Variants in RPS15A observed in about 807,000 individuals in gnomAD.
RPS15A encodes ribosomal protein S15a.
For synonymous variants in RPS15A, 55 were observed against 58.5 expected (o/e 0.94, Z 0.27); for missense variants, 62 against 163.4 (o/e 0.38, Z 3.38).
chr16:18,788,263 TGGG>T, intron 2 of RPS15A, 121 bp from the exon 3 acceptor site: 1 of 679,506 alleles, frequency 1.5e-6, no homozygotes. Context: ...TCCAAAAAGT[TGGG>T]GGGAAGACAG....
intron 3 of RPS15A, among the ~76,000 whole-genome samples, chr16:18,787,159 A>C (rs1466735220): frequency 6.6e-6 from 1 of 152,206 alleles, no homozygotes; most frequent in Non-Finnish European, 1.5e-5. Flanking sequence ...CACTGTGCCC[A>C]GCTAGTTCTT....
chr16:18,781,389 A>G lies in RPS15A; in HGVS notation c.*1620T>C, dbSNP rs1357331779. The G allele has an allele frequency of 6.6e-6, 1 of 151,680 alleles. No individual in the cohort carries two copies. The allele number at this position is 151,680 out of a possible 1,614,324, so 9.4% of individuals were successfully genotyped here. A position where few individuals can be genotyped will look rare whatever the true frequency, so the allele number is the denominator to read the frequency against. ...ATGTAAGCGACTGAGGCATCCCTACACACCAGGTTTGCAGGCTAGGGACCA... is the reference window on the plus strand; with the variant it reads ...ATGTAAGCGACTGAGGCATCCCTACGCACCAGGTTTGCAGGCTAGGGACCA... On this transcript the variant is annotated 3_prime_UTR_variant, in exon 5 of 5. Coordinates refer to ENST00000322989, the MANE Select transcript of RPS15A (RefSeq NM_001019.5).
chr16:18,786,245 A>T (rs1206181705), intron 3 of RPS15A: 1 of 233,578 alleles, frequency 4.3e-6, no homozygotes, highest in African/African-American at 2.4e-5. Flanking sequence ...CTCACCTGTA[A>T]TCTCAGCTAC....
At position 18,782,935 on chromosome 16, in the gene RPS15A, A is replaced by G; in HGVS notation, c.*74T>C. Reference sequence around the variant, plus strand: ...GCAGAAGCTGTGGCTACACTGCTGTAAAGGCTCAAAACGACCAAGTGGAAG... The same window carrying G: ...GCAGAAGCTGTGGCTACACTGCTGTGAAGGCTCAAAACGACCAAGTGGAAG... On this transcript the variant is annotated 3_prime_UTR_variant, in exon 5 of 5. Coordinates refer to ENST00000322989, the MANE Select transcript of RPS15A (RefSeq NM_001019.5). The G allele has an allele frequency of 1.1e-6, 1 of 897,410 alleles. No homozygotes were observed. Among genetic ancestry groups the G allele is most frequent in the South Asian group, 1.4e-5 (1 of 69,024 alleles). 55.6% of individuals were successfully genotyped at this position (897,410 alleles called of 1,614,324 possible).
At chr16:18,783,645 A>G (rs943440882) in intron 4 of RPS15A, 1 of 456,038 alleles carries the variant, frequency 2.2e-6, no homozygotes, top group Non-Finnish European at 4.4e-6. Flanking sequence ...CCGTACCTGT[A>G]ATACAGCAAC....
intron 3 of RPS15A, among the ~76,000 whole-genome samples, 198 bp downstream of exon 3, chr16:18,787,865 G>C (rs2141860947): frequency 6.6e-6 from 1 of 152,264 alleles, no homozygotes; most frequent in Admixed American, 6.5e-5. Context: ...AAAAACACTA[G>C]GTCAACTGAC....
intron 4 of RPS15A, chr16:18,783,797 A>G (rs1441455036): frequency 2.3e-6 from 1 of 435,060 alleles, no homozygotes; most frequent in East Asian, 7.1e-5. Context: ...CAGAGGAACT[A>G]TTACCACTTT....
chr16:18,783,619 G>T (rs1287972832), intron 4 of RPS15A: 4 of 455,000 alleles, frequency 8.8e-6, no homozygotes, highest in Non-Finnish European at 1.8e-5. Flanking sequence ...AAAGAGAAAT[G>T]ATTTTGGTGA....
chr16:18,782,940 C>T lies in RPS15A; in HGVS notation c.*69G>A. 3.1e-6 allele frequency: 3 copies of T among 969,646 alleles called. No homozygotes were observed. Among genetic ancestry groups the T allele is most frequent in the Non-Finnish European group, 4.8e-6 (3 of 624,830 alleles). 60.1% of individuals were successfully genotyped at this position (969,646 alleles called of 1,614,324 possible). ...AGCTGTGGCTACACTGCTGTAAAGGCTCAAAACGACCAAGTGGAAGCACCA... is the reference window on the plus strand; with the variant it reads ...AGCTGTGGCTACACTGCTGTAAAGGTTCAAAACGACCAAGTGGAAGCACCA... On this transcript the variant is annotated 3_prime_UTR_variant, in exon 5 of 5. Coordinates refer to ENST00000322989, the MANE Select transcript of RPS15A (RefSeq NM_001019.5).
chr16:18,785,114 A>G lies in RPS15A; in HGVS notation c.214-291T>C, dbSNP rs1567286993. ...CCTGTTGGCTGGAGAGCTGTCCAGG[A>G]TGATCAGATTTTACATAGCCTAGAG... On this transcript the variant is annotated intron_variant, in intron 3 of 4. Transcript: ENST00000322989. 6 of 290,620 alleles carry G rather than the reference A, an allele frequency of 2.1e-5. 1 individual carries two copies. In the South Asian group the frequency reaches 5.6e-4, roughly 27 times the overall value. The allele number at this position is 290,620 out of a possible 1,614,324, so 18.0% of individuals were successfully genotyped here.
chr16:18,783,651 G>A (rs1194988176), intron 4 of RPS15A: 3 of 456,010 alleles, frequency 6.6e-6, no homozygotes, highest in Non-Finnish European at 1.3e-5. Context: ...CTGTAATACA[G>A]CAACCATGAA....
chr16:18,789,154 C>T (rs755764196), intron 1 of RPS15A, 36 bp from the exon 2 acceptor site: 92 of 1,583,812 alleles, frequency 5.8e-5, no homozygotes, highest in Non-Finnish European at 7.5e-5. Flanking sequence ...GTTTTACTGG[C>T]ATTGCCAACA....
At chr16:18,784,669 C>A in intron 4 of RPS15A, 69 bp downstream of exon 4, 1 of 1,218,540 alleles carries the variant, frequency 8.2e-7, no homozygotes, top group Non-Finnish European at 1.2e-6. Flanking sequence ...AGAAAAAAAC[C>A]CTTAAGTCAA....
intron 2 of RPS15A, 39 bp downstream of exon 2, chr16:18,788,942 C>A (rs2029958062): frequency 6.3e-7 from 1 of 1,590,710 alleles, no homozygotes; most frequent in Admixed American, 1.8e-5. Flanking sequence ...CTTAGAGAGT[C>A]TCACATGAAA....
At chr16:18,787,613 C>A (rs139086152) in intron 3 of RPS15A, among the ~76,000 whole-genome samples, 2 of 152,126 alleles carry the variant, frequency 1.3e-5, no homozygotes, top group African/African-American at 2.4e-5. Context: ...AAGACCTATG[C>A]CAGCAAAAAC....
chr16:18,789,162 A>C, intron 1 of RPS15A, 44 bp from the exon 2 acceptor site: 1 of 1,566,930 alleles, frequency 6.4e-7, no homozygotes, highest in Non-Finnish European at 8.7e-7. Context: ...GGCATTGCCA[A>C]CATCAACAGA....
chr16:18,783,529 CT>C, intron 4 of RPS15A: 1 of 387,260 alleles, frequency 2.6e-6, no homozygotes, highest in South Asian at 1.9e-5. Flanking sequence ...TGAGTGGCTG[CT>C]TCATGAGTTA....
intron 3 of RPS15A, chr16:18,785,959 A>C (rs889249299): frequency 2.0e-5 from 3 of 152,242 alleles, no homozygotes; most frequent in Admixed American, 2.0e-4. Context: ...CCAGAATTTT[A>C]ATCAATCTAG....
intron 3 of RPS15A, among the ~76,000 whole-genome samples, chr16:18,787,785 G>T (rs981759654): frequency 1.3e-5 from 2 of 152,264 alleles, no homozygotes; most frequent in Middle Eastern, 3.4e-3. Context: ...GGTGGGTAGC[G>T]TTAACATCCA....
Sources: gnomAD v4.1 joint callset for allele counts (sites outside exome capture counted in the v4.1 genomes callset) on GRCh38, gnomAD v4.1.1 for gene constraint, MANE v1.5 for transcripts, NCBI Gene and HGNC (gene_info 2026-07-23, HGNC 2026-07-21) for gene names.